Variants in ESPN observed in about 807,000 individuals in gnomAD.
The protein encoded by ESPN is autosomal recessive deafness type 36 protein.
Under a neutral mutation model 77.7 loss-of-function variants are expected in ESPN, and 68 were observed. The ratio of observed to expected loss-of-function variants is 0.87; its 90% CI spans 0.72 to 1.07. ESPN has a LOEUF of 1.07. Ranked by LOEUF, ESPN falls within the 50% of genes least tolerant of loss-of-function variation. The pLI, the probability that ESPN is intolerant of heterozygous loss-of-function variation, is 0.00. For missense variants in ESPN, 1,060 were observed against 1,239.0 expected, an observed-to-expected ratio of 0.86 and a Z score of 2.17; for synonymous variants, 449 against 567.1, an observed-to-expected ratio of 0.79 and a Z score of 2.96.
chr1:6,449,740 AC>A (rs1643913083), intron 8 of ESPN, among the ~76,000 whole-genome samples: 1 of 152,038 alleles, frequency 6.6e-6, no homozygotes, highest in African/African-American at 2.4e-5. Flanking sequence ...TCCCTAGGCA[AC>A]CTTTTTTAAG....
intron 6 of ESPN, among the ~76,000 whole-genome samples, chr1:6,445,132 A>C (rs976077181): frequency 2.0e-5 from 3 of 152,202 alleles, no homozygotes; most frequent in African/African-American, 7.2e-5. Flanking sequence ...ATGTCCACAG[A>C]GCAATGCACA....
chr1:6,441,010 C>G lies in ESPN; in HGVS notation c.935C>G (p.Ser312Trp). 6.2e-7 allele frequency: 1 copy of G among 1,610,374 alleles called. No individual in the cohort carries two copies. Among genetic ancestry groups the G allele is most frequent in the African/African-American group, 1.3e-5 (1 of 75,016 alleles). The change falls in exon 5 of 13, where the codon TCG becomes TGG. Residue 312 changes from serine to tryptophan, a missense_variant. Around this residue, in one of 3 missense-constraint regions of ESPN, gnomAD observed 556 missense variants for 633.6 expected, o/e 0.88. Coordinates refer to ENST00000645284, the MANE Select transcript of ESPN (RefSeq NM_031475.3). The part of the protein sequence containing the change: ...DRDGYTAADL[S>W]DFNGHSHCTR... Reference sequence around the variant, plus strand: ...GACGGGTACACGGCCGCCGACCTGTCGGACTTCAACGGCCACAGCCACTGC... The same window carrying G: ...GACGGGTACACGGCCGCCGACCTGTGGGACTTCAACGGCCACAGCCACTGC...
At chr1:6,434,943 G>A (rs1292193182) in intron 2 of ESPN, among the ~76,000 whole-genome samples, 1 of 152,164 alleles carries the variant, frequency 6.6e-6, no homozygotes, top group Non-Finnish European at 1.5e-5. Flanking sequence ...ATGCGGGGAG[G>A]TGTAGAGGCC....
At chr1:6,454,513 T>G in intron 10 of ESPN, 1 of 398,954 alleles carries the variant, frequency 2.5e-6, no homozygotes, top group Non-Finnish European at 4.4e-6. Flanking sequence ...CTCGGGCCCT[T>G]TGGCGAGCTT....
At position 6,459,112 on chromosome 1, in the gene ESPN, G is replaced by A. The variant is rs188190975; in HGVS notation, c.2418-887G>A. On this transcript the variant is annotated intron_variant, in intron 12 of 12. Coordinates refer to ENST00000645284, the MANE Select transcript of ESPN (RefSeq NM_031475.3). Reference sequence around the variant, plus strand: ...AAAAATTAGCTGGGCATGGTGGCACGCTCCTGTAATCCCAGCTACTCAGAA... The same window carrying A: ...AAAAATTAGCTGGGCATGGTGGCACACTCCTGTAATCCCAGCTACTCAGAA... Among the ~76,000 whole-genome samples the A allele has an allele frequency of 7.1e-3, 1,078 of 151,344 alleles. 10 individuals are homozygous for A. Among genetic ancestry groups the A allele is most frequent in the African/African-American group, 0.025 (1,045 of 41,178 alleles).
chr1:6,442,370 A>G (rs1643667826), intron 5 of ESPN, among the ~76,000 whole-genome samples: 1 of 152,064 alleles, frequency 6.6e-6, no homozygotes, highest in South Asian at 2.1e-4. Flanking sequence ...GTAGATCGAG[A>G]CCATCCTGGC....
chr1:6,435,710 C>T (rs1643412093), intron 2 of ESPN, among the ~76,000 whole-genome samples: 1 of 152,204 alleles, frequency 6.6e-6, no homozygotes, highest in Non-Finnish European at 1.5e-5. Flanking sequence ...TTCCCCACAA[C>T]AGAAATGGTG....
At chr1:6,459,863 C>G in intron 12 of ESPN, 136 bp from the exon 13 acceptor site, 1 of 1,035,094 alleles carries the variant, frequency 9.7e-7, no homozygotes, top group Non-Finnish European at 1.5e-6. Context: ...CTTCAGCAAC[C>G]GAGCCCCAGC....
chr1:6,460,876 C>T lies in ESPN; in HGVS notation c.*730C>T. 3.0e-6 allele frequency: 1 copy of T among 328,990 alleles called. No homozygotes were observed. Among genetic ancestry groups the T allele is most frequent in the Non-Finnish European group, 6.0e-6 (1 of 165,684 alleles). The allele number at this position is 328,990 out of a possible 1,614,324, so 20.4% of individuals were successfully genotyped here. A position where few individuals can be genotyped will look rare whatever the true frequency, so the allele number is the denominator to read the frequency against. On this transcript the variant is annotated 3_prime_UTR_variant, in exon 13 of 13. Coordinates refer to ENST00000645284, the MANE Select transcript of ESPN (RefSeq NM_031475.3). Reference sequence around the variant, plus strand: ...CCCTGTGTCTCCAACTGCTGCACCCCATCCCGACCCTGTCTCCGCCACCTC... The same window carrying T: ...CCCTGTGTCTCCAACTGCTGCACCCTATCCCGACCCTGTCTCCGCCACCTC...
At position 6,427,938 on chromosome 1, in the gene ESPN, T is replaced by C. The variant is rs958844318; in HGVS notation, c.295-288T>C. 1.3e-5 allele frequency among the ~76,000 whole-genome samples: 2 copies of C among 152,200 alleles called. No individual in the cohort carries two copies. Among genetic ancestry groups the C allele is most frequent in the Non-Finnish European group, 2.9e-5 (2 of 68,018 alleles). On this transcript the variant is annotated intron_variant, in intron 1 of 12. Coordinates refer to ENST00000645284, the MANE Select transcript of ESPN (RefSeq NM_031475.3). This position sits in a 1 kb window ranked among gnomAD's most constrained non-coding sequence, Gnocchi z 4.6. ...TGCCGTGACAACCAGGTGCCTGTCG[T>C]GTAGGCAGCTCGCAGTCAGGACCTG... is the stretch of plus-strand genomic sequence containing the variant.
rs1643084256 is a variant in ESPN, at chr1:6,427,562, C to T, written c.295-664C>T. Among the ~76,000 whole-genome samples, 1 of 152,196 alleles carries T rather than the reference C, an allele frequency of 6.6e-6. No homozygotes were observed. The highest frequency in any genetic ancestry group is 2.4e-5 in the African/African-American group (1 of 41,444). On this transcript the variant is annotated intron_variant, in intron 1 of 12. Coordinates refer to ENST00000645284, the MANE Select transcript of ESPN (RefSeq NM_031475.3). This position sits in a 1 kb window ranked among gnomAD's most constrained non-coding sequence, Gnocchi z 4.6. Reference sequence around the variant, plus strand: ...CCTGGCTGACTGCCCCGGACCCGCCCACCAGTACCCAGCAACTTCCACCTC... The same window carrying T: ...CCTGGCTGACTGCCCCGGACCCGCCTACCAGTACCCAGCAACTTCCACCTC...
chr1:6,435,286 T>G (rs1643394470), intron 2 of ESPN, among the ~76,000 whole-genome samples: 1 of 152,106 alleles, frequency 6.6e-6, no homozygotes, highest in Non-Finnish European at 1.5e-5. Context: ...GAGGCATGAC[T>G]GGCAGTGGGG....
chr1:6,430,403 G>T (rs577840825), intron 2 of ESPN, among the ~76,000 whole-genome samples: 37 of 152,336 alleles, frequency 2.4e-4, no homozygotes, highest in African/African-American at 8.4e-4. Context: ...CAGCCTCGGG[G>T]AAGCTCAGCT....
At position 6,452,034 on chromosome 1, in the gene ESPN, C is replaced by T. The variant is rs760346147; in HGVS notation, c.2263C>T (p.Arg755Cys). The T allele has an allele frequency of 3.8e-6, 6 of 1,587,146 alleles. No homozygotes were observed. The African/African-American group carries it at 5.4e-5, about 14-fold the overall frequency. ...GGGCCGGCCCATCCCCGAGTGGAAGCGCCAGGTGATGGTGCGCAAGATGCA... is the reference window on the plus strand; with the variant it reads ...GGGCCGGCCCATCCCCGAGTGGAAGTGCCAGGTGATGGTGCGCAAGATGCA... Reference protein sequence around the residue: ...EQGRPIPEWKRQVMVRKMQLK... With the variant: ...EQGRPIPEWKCQVMVRKMQLK... Residue 755 changes from arginine to cysteine, a missense_variant, in exon 10 of 13, where the codon CGC becomes TGC. By Grantham distance (180) the Arg-to-Cys change is radical (BLOSUM62 -3). Coordinates refer to ENST00000645284, the MANE Select transcript of ESPN (RefSeq NM_031475.3).
At chr1:6,458,008 GA>G (rs34724255) in intron 12 of ESPN, among the ~76,000 whole-genome samples, 7,728 of 85,630 alleles carry the variant, frequency 0.09, 216 homozygotes, top group Middle Eastern at 0.21. Context: ...CTCATTCTGC[GA>G]AAAAAAAAAA....
Position 6,440,739 on chromosome 1 carries a change from C to T in ESPN, c.789C>T (p.Gly263=), listed in dbSNP as rs773161377. 9.1e-6 allele frequency: 14 copies of T among 1,544,112 alleles called. No homozygotes were observed. In the East Asian group the frequency reaches 2.2e-4, roughly 24 times the overall value. The part of the protein sequence containing the change: ...TKVLSWLLLH[G]GEISADLWGG... ...TGCTCAGCTGGCTGCTGCTGCACGG[C>T]GGGGAGATCTCGGCTGACCTGTGGG... Residue 263 remains glycine (G), a synonymous_variant, in exon 4 of 13, where the codon GGC becomes GGT. Transcript: ENST00000645284.
rs900812096 is a variant in ESPN at position 6,424,791 on chromosome 1, G to A, written c.-165G>A. ...CTCCGGCCCCAGAGCGCGGCGGAGC[G>A]GAGCGCCAGGCAGCGCGGAGCGGAG... On this transcript the variant is annotated 5_prime_UTR_variant, in exon 1 of 13. Transcript: ENST00000645284. 6 of 707,374 alleles carry A rather than the reference G, an allele frequency of 8.5e-6. No homozygotes were observed. Among genetic ancestry groups the A allele is most frequent in the African/African-American group, 5.7e-5 (3 of 52,884 alleles). 43.8% of individuals were successfully genotyped at this position (707,374 alleles called of 1,614,324 possible).
At chr1:6,433,891 C>CA (rs1643339982) in intron 2 of ESPN, among the ~76,000 whole-genome samples, 1 of 152,178 alleles carries the variant, frequency 6.6e-6, no homozygotes, top group African/African-American at 2.4e-5. Flanking sequence ...CTCACTCTCC[C>CA]ACTGGCCTTG....
At chr1:6,448,297 G>A (rs4071665) in intron 7 of ESPN, among the ~76,000 whole-genome samples, 7 of 152,150 alleles carry the variant, frequency 4.6e-5, no homozygotes, top group Non-Finnish European at 1.0e-4. Flanking sequence ...GGCCTAGTGA[G>A]GGCTAAGCTG....
Sources: allele counts gnomAD v4.1 joint callset (sites outside exome capture counted in the v4.1 genomes callset), GRCh38; gene constraint gnomAD v4.1.1; regional missense constraint gnomAD v4.1.1; non-coding constraint Gnocchi (gnomAD v3.1); transcripts MANE v1.5; gene names NCBI Gene and HGNC (gene_info 2026-07-23, HGNC 2026-07-21).